The following SPATC1 variants were observed in gnomAD, a reference collection of about 807,000 sequenced individuals.
The protein encoded by SPATC1 is speriolin.
Under a neutral mutation model 36.5 loss-of-function variants are expected in SPATC1, and 35 were observed. That is an observed-to-expected ratio of 0.96 (90% CI 0.73 to 1.27). The LOEUF is 1.27. SPATC1 is among the 50% of genes most tolerant of loss of function. SPATC1 has a pLI of 0.00. For missense variants in SPATC1, 779 were observed against 796.0 expected (o/e 0.98, Z 0.26); for synonymous variants, 361 against 353.6 (o/e 1.02, Z -0.24).
chr8:144,012,562 G>A lies in SPATC1; in HGVS notation c.47G>A (p.Arg16Lys). The A allele has an allele frequency of 6.4e-7, 1 of 1,551,750 alleles. No homozygotes were observed. The highest frequency in any genetic ancestry group is 8.7e-7 in the Non-Finnish European group (1 of 1,147,006). The change falls in exon 1 of 5, where the codon AGG becomes AAG. Residue 16 changes from arginine to lysine, a missense_variant. By Grantham distance (26) the Arg-to-Lys change is conservative. Coordinates refer to ENST00000377470, the MANE Select transcript of SPATC1 (RefSeq NM_198572.3). Reference sequence around the variant, plus strand: ...GAAGGGCTTCGGCATCAGATAGAGAGGCTGGTGCGGGAAAATGAGGAACTG... The same window carrying A: ...GAAGGGCTTCGGCATCAGATAGAGAAGCTGGTGCGGGAAAATGAGGAACTG... ...NYEGLRHQIE[R>K]LVRENEELKK...
rs374089373 is a variant in SPATC1, at chr8:144,046,965, C to G, written c.*9C>G. 1 of 1,591,994 alleles carries G rather than the reference C, an allele frequency of 6.3e-7. No individual in the cohort carries two copies. The highest frequency in any genetic ancestry group is 8.5e-7 in the Non-Finnish European group (1 of 1,175,850). On this transcript the variant is annotated 3_prime_UTR_variant, in exon 5 of 5. Transcript: ENST00000377470. The surrounding 1 kb of genome is among the most constrained non-coding windows in gnomAD (Gnocchi z 6.6). ...CCATGTTCATCTGGTGACGCTGGAG[C>G]TGGGAGGTCCAGGCTCGCTCAGCCC...
intron 1 of SPATC1, among the ~76,000 whole-genome samples, chr8:144,026,093 T>A (rs1370909257): frequency 6.6e-6 from 1 of 151,722 alleles, no homozygotes; most frequent in African/African-American, 2.4e-5. Context: ...ACCCCTACCC[T>A]CTCACCACCC....
At chr8:144,041,507 C>A in intron 4 of SPATC1, 136 bp downstream of exon 4, 1 of 1,149,800 alleles carries the variant, frequency 8.7e-7, no homozygotes, top group Non-Finnish European at 1.2e-6. Context: ...CTGCTCAGTG[C>A]CAACGGCCTG....
At chr8:144,025,825 C>T (rs1357503412) in intron 1 of SPATC1, among the ~76,000 whole-genome samples, 2 of 152,010 alleles carry the variant, frequency 1.3e-5, no homozygotes, top group African/African-American at 4.8e-5. Flanking sequence ...CCTGTAATGC[C>T]TCCCAGGTGT....
rs36150800 is a variant in SPATC1, at chr8:144,034,406, A to ATTT, written c.212-5490_212-5488dup. Among the ~76,000 whole-genome samples, 58 of 144,864 alleles carry ATTT rather than the reference A, an allele frequency of 4.0e-4. 1 individual carries two copies. Among genetic ancestry groups the ATTT allele is most frequent in the African/African-American group, 1.2e-3 (47 of 39,964 alleles). On this transcript the variant is annotated intron_variant, in intron 1 of 4. Transcript: ENST00000377470. ...TCAAGACAAAACCAGGCAGAAATGCATTTTTTTTTTTTTTTAGAAAACACT... is the reference window on the plus strand; with the variant it reads ...TCAAGACAAAACCAGGCAGAAATGCATTTTTTTTTTTTTTTTTTAGAAAACACT...
chr8:144,018,699 T>C (rs1236102147), intron 1 of SPATC1, among the ~76,000 whole-genome samples: 3 of 151,604 alleles, frequency 2.0e-5, no homozygotes, highest in Non-Finnish European at 4.4e-5. Flanking sequence ...AATGTTCTTC[T>C]CTGAGAGCAA....
chr8:144,031,832 C>T (rs891729943), intron 1 of SPATC1, among the ~76,000 whole-genome samples: 33 of 151,598 alleles, frequency 2.2e-4, no homozygotes, highest in African/African-American at 7.0e-4. Flanking sequence ...AATTCTCCCA[C>T]CTCAGCTTCC....
chr8:144,020,869 TC>T (rs1834507764), intron 1 of SPATC1, among the ~76,000 whole-genome samples: 1 of 118,484 alleles, frequency 8.4e-6, no homozygotes, highest in African/African-American at 3.3e-5. Flanking sequence ...CTCAAAACTC[TC>T]TTCCCTCAGA....
chr8:144,040,744 G>A lies in SPATC1; in HGVS notation c.943G>A (p.Glu315Lys). 4 of 1,612,632 alleles carry A rather than the reference G, an allele frequency of 2.5e-6. No homozygotes were observed. In the South Asian group the frequency reaches 4.4e-5, roughly 18 times the overall value. ...DTQAQPSAAQ[E>K]QVVPASVPTS... Reference sequence around the variant, plus strand: ...ACAGGCCCAGCCCAGTGCCGCCCAGGAACAAGTGGTCCCTGCATCTGTCCC... The same window carrying A: ...ACAGGCCCAGCCCAGTGCCGCCCAGAAACAAGTGGTCCCTGCATCTGTCCC... The change falls in exon 3 of 5, where the codon GAA becomes AAA. Residue 315 changes from glutamate (E) to lysine (K), a missense_variant. Physicochemically the swap from Glu to Lys is moderately conservative, Grantham distance 56 (BLOSUM62 1). Transcript: ENST00000377470.
intron 4 of SPATC1, among the ~76,000 whole-genome samples, chr8:144,043,790 G>A (rs1476979715): frequency 6.7e-6 from 1 of 150,322 alleles, no homozygotes; most frequent in African/African-American, 2.5e-5. Flanking sequence ...CCCACCCTGT[G>A]TTCAGACAGA....
At position 144,040,052 on chromosome 8, in the gene SPATC1, G is replaced by A. The variant is rs1373400878; in HGVS notation, c.355G>A (p.Gly119Ser). Residue 119 changes from glycine (G) to serine (S), a missense_variant, in exon 2 of 5, where the codon GGC becomes AGC. Gly to Ser is a moderately conservative substitution (Grantham distance 56). Coordinates refer to ENST00000377470, the MANE Select transcript of SPATC1 (RefSeq NM_198572.3). ...GGGCTCACTCATGAGCCCCCTGACA[G>A]GCACCCTCAGCACGCTGCTGTCTGG... The part of the protein sequence containing the change: ...TPGSLMSPLT[G>S]TLSTLLSGPA... The A allele has an allele frequency of 1.2e-6, 2 of 1,613,400 alleles. No homozygotes were observed. Among genetic ancestry groups the A allele is most frequent in the African/African-American group, 2.7e-5 (2 of 74,912 alleles).
chr8:144,023,044 G>A (rs1834575235), intron 1 of SPATC1, among the ~76,000 whole-genome samples: 5 of 147,622 alleles, frequency 3.4e-5, no homozygotes, highest in Admixed American at 6.7e-5. Flanking sequence ...CGTCCCTCAG[G>A]ACCCTCCCAC....
intron 1 of SPATC1, among the ~76,000 whole-genome samples, chr8:144,023,626 A>G (rs1834599847): frequency 1.1e-5 from 1 of 89,110 alleles, no homozygotes; most frequent in Non-Finnish European, 2.3e-5. Flanking sequence ...TTCCCTCAGG[A>G]CCCTCTTCCC....
intron 2 of SPATC1, 29 bp downstream of exon 2, chr8:144,040,492 A>G (rs1361497239): frequency 6.4e-7 from 1 of 1,566,182 alleles, no homozygotes; most frequent in Non-Finnish European, 8.6e-7. Context: ...GGTGGGTGGC[A>G]GAGTGGGGGG....
intron 1 of SPATC1, among the ~76,000 whole-genome samples, chr8:144,022,438 C>T (rs1250687811): frequency 1.7e-5 from 1 of 60,192 alleles, no homozygotes; most frequent in Non-Finnish European, 3.6e-5. Context: ...CCTCAGAACC[C>T]TCTCACCTCA....
Position 144,038,159 on chromosome 8 carries a change from G to A in SPATC1, c.212-1750G>A, listed in dbSNP as rs75739578. Among the ~76,000 whole-genome samples the A allele has an allele frequency of 3.5e-4, 52 of 149,758 alleles. No individual in the cohort carries two copies. In the Middle Eastern group the frequency reaches 0.011, roughly 32 times the overall value. ...AAAAAAAATTGATTTTTACAGCCAG[G>A]TGCAGTGGCTCATGCCTGTAATCCC... On this transcript the variant is annotated intron_variant, in intron 1 of 4. Transcript: ENST00000377470.
intron 1 of SPATC1, among the ~76,000 whole-genome samples, chr8:144,035,940 G>T (rs896762540): frequency 5.1e-4 from 78 of 152,250 alleles, no homozygotes; most frequent in African/African-American, 1.7e-3. Context: ...ACAGACAGCC[G>T]CACTCTGAGC....
At chr8:144,033,246 A>C (rs1834833630) in intron 1 of SPATC1, among the ~76,000 whole-genome samples, 2 of 151,940 alleles carry the variant, frequency 1.3e-5, no homozygotes. Flanking sequence ...AAATACAAAA[A>C]AGTTAGCTGG....
chr8:144,011,210 C>G (rs1186754456), upstream of SPATC1, among the ~76,000 whole-genome samples: 1 of 152,096 alleles, frequency 6.6e-6, no homozygotes, highest in Non-Finnish European at 1.5e-5. This position sits in a 1 kb window ranked among gnomAD's most constrained non-coding sequence, Gnocchi z 4.5. Context: ...CCATGACAAG[C>G]TAATTTTCAC....
Sources: gnomAD v4.1 joint callset for allele counts (sites outside exome capture counted in the v4.1 genomes callset) on GRCh38, gnomAD v4.1.1 for gene constraint, Gnocchi (gnomAD v3.1) non-coding constraint, MANE v1.5 for transcripts, NCBI Gene and HGNC (gene_info 2026-07-23, HGNC 2026-07-21) for gene names.